TTBK2: variants seen among roughly 807,000 people sequenced by gnomAD.
TTBK2 encodes tau-tubulin kinase 2.
TTBK2 carries 28 observed loss-of-function variants against 110.8 expected under a neutral mutation model. That is an observed-to-expected ratio of 0.25 (90% CI 0.19 to 0.35). The LOEUF is 0.35. Among genes scored for constraint, TTBK2 ranks in the 10% least tolerant of loss-of-function variants. TTBK2 has a pLI of 1.00. For missense variants in TTBK2, 1,369 were observed against 1,500.3 expected, an observed-to-expected ratio of 0.91 and a Z score of 1.45; for synonymous variants, 532 against 527.3, an observed-to-expected ratio of 1.01 and a Z score of -0.12.
chr15:42,896,904 T>A (rs1304723148), intron 1 of TTBK2, among the ~76,000 whole-genome samples: 1 of 151,840 alleles, frequency 6.6e-6, no homozygotes. Context: ...TTTTGAGACA[T>A]TCTTGCTCTT....
At position 42,742,481 on chromosome 15, in the gene TTBK2, A is replaced by G. The variant is rs756364687; in HGVS notation, c.*3314T>C. On this transcript the variant is annotated 3_prime_UTR_variant, in exon 15 of 15. Transcript: ENST00000267890. ...AAATTAAACGCCTCTACGCTGTGCA[A>G]GAAATCACTATGTGTGATTTTACTA... is the stretch of plus-strand genomic sequence containing the variant. The G allele has an allele frequency of 2.0e-5, 3 of 152,230 alleles. No individual in the cohort carries two copies. Among genetic ancestry groups the G allele is most frequent in the African/African-American group, 4.8e-5 (2 of 41,450 alleles). 9.4% of individuals were successfully genotyped at this position (152,230 alleles called of 1,614,324 possible).
At chr15:42,751,697 T>C (rs1179831237) in intron 14 of TTBK2, among the ~76,000 whole-genome samples, 22 of 152,194 alleles carry the variant, frequency 1.4e-4, no homozygotes, top group Non-Finnish European at 2.9e-5. Flanking sequence ...TGAGCTGAGA[T>C]TGAGTCACTC....
chr15:42,916,777 A>G (rs1304384620), intron 1 of TTBK2, among the ~76,000 whole-genome samples: 1 of 152,240 alleles, frequency 6.6e-6, no homozygotes, highest in Admixed American at 6.5e-5. Flanking sequence ...ATAGTCTTTC[A>G]ATGATCATAT....
chr15:42,832,175 T>A (rs577855771), intron 4 of TTBK2, among the ~76,000 whole-genome samples: 1 of 152,316 alleles, frequency 6.6e-6, no homozygotes, highest in South Asian at 2.1e-4. Context: ...GTGAACTGTA[T>A]AACCACATGA....
At chr15:42,829,277 A>G (rs1043105269) in intron 5 of TTBK2, among the ~76,000 whole-genome samples, 4 of 152,246 alleles carry the variant, frequency 2.6e-5, no homozygotes, top group African/African-American at 7.2e-5. Context: ...TTTCTAAGAC[A>G]AACAGATTAG....
intron 9 of TTBK2, among the ~76,000 whole-genome samples, chr15:42,800,724 C>T (rs1891147777): frequency 6.8e-6 from 1 of 146,584 alleles, no homozygotes; most frequent in Non-Finnish European, 1.5e-5. Context: ...TGCATACAGT[C>T]TTTTTTTTTG....
chr15:42,874,613 G>A (rs920540559), intron 2 of TTBK2, among the ~76,000 whole-genome samples: 6 of 149,228 alleles, frequency 4.0e-5, no homozygotes, highest in Non-Finnish European at 7.4e-5. Flanking sequence ...CACCACACCC[G>A]GCCGATCCTG....
intron 1 of TTBK2, among the ~76,000 whole-genome samples, chr15:42,888,929 A>C (rs1232777797): frequency 2.0e-5 from 3 of 151,980 alleles, no homozygotes; most frequent in South Asian, 2.1e-4. Flanking sequence ...TTACTCTCCT[A>C]CTGAAGTTTC....
chr15:42,866,918 G>A (rs1213412921), intron 3 of TTBK2, among the ~76,000 whole-genome samples: 1 of 151,932 alleles, frequency 6.6e-6, no homozygotes, highest in African/African-American at 2.4e-5. Flanking sequence ...GTGCTTGAAG[G>A]GGAATTTATA....
chr15:42,765,275 T>C (rs566118850), intron 13 of TTBK2, among the ~76,000 whole-genome samples: 20 of 152,296 alleles, frequency 1.3e-4, no homozygotes, highest in African/African-American at 4.8e-4. Flanking sequence ...ATTTGATGAG[T>C]TGACAGAAGT....
chr15:42,763,152 A>C (rs1384511165), intron 13 of TTBK2, among the ~76,000 whole-genome samples: 10 of 59,816 alleles, frequency 1.7e-4, no homozygotes, highest in Non-Finnish European at 2.4e-4. Flanking sequence ...ACATATATAT[A>C]TATACATATA....
intron 8 of TTBK2, among the ~76,000 whole-genome samples, chr15:42,811,305 A>G (rs1159864621): frequency 6.6e-6 from 1 of 152,218 alleles, no homozygotes; most frequent in African/African-American, 2.4e-5. Flanking sequence ...AAAATAATTT[A>G]TCTTAAATCT....
rs528456484 is a variant in TTBK2, at chr15:42,865,327, G to T, written c.217+7284C>A. ...ACACAAAAATTAGATGGGCACAGTGGCACGCATCTGTAGTCTCAACTACTT... is the reference window on the plus strand; with the variant it reads ...ACACAAAAATTAGATGGGCACAGTGTCACGCATCTGTAGTCTCAACTACTT... On this transcript the variant is annotated intron_variant, in intron 3 of 14. Coordinates refer to ENST00000267890, the MANE Select transcript of TTBK2 (RefSeq NM_173500.4). Among the ~76,000 whole-genome samples the T allele has an allele frequency of 3.3e-5, 5 of 152,134 alleles. No individual in the cohort carries two copies. The South Asian group carries it at 1.0e-3, about 32-fold the overall frequency.
intron 3 of TTBK2, chr15:42,855,319 A>T (rs756059285): frequency 3.3e-5 from 5 of 152,214 alleles, no homozygotes; most frequent in Non-Finnish European, 7.3e-5. Flanking sequence ...CCCAATAGCA[A>T]TTAGTACCCT....
intron 1 of TTBK2, among the ~76,000 whole-genome samples, chr15:42,903,189 T>C (rs1442599195): frequency 1.3e-5 from 2 of 152,198 alleles, no homozygotes; most frequent in African/African-American, 2.4e-5. Context: ...GGATGAATAT[T>C]ATATGATTCC....
intron 5 of TTBK2, among the ~76,000 whole-genome samples, chr15:42,829,402 G>A (rs527479767): frequency 6.6e-6 from 1 of 152,272 alleles, no homozygotes; most frequent in South Asian, 2.1e-4. Context: ...AACACAGTAT[G>A]AACAACTAAA....
chr15:42,862,508 C>A (rs1894198012), intron 3 of TTBK2, among the ~76,000 whole-genome samples: 1 of 151,910 alleles, frequency 6.6e-6, no homozygotes, highest in African/African-American at 2.4e-5. Context: ...CAATTAGATG[C>A]AAAAAAAATT....
chr15:42,920,842 C>T (rs2031336248), upstream of TTBK2: 1 of 153,104 alleles, frequency 6.5e-6, no homozygotes, highest in Non-Finnish European at 1.5e-5. Context: ...CCTAGCCCAC[C>T]TGCCCTGCCA....
At chr15:42,789,817 C>T (rs1268634216) in intron 10 of TTBK2, among the ~76,000 whole-genome samples, 1 of 147,304 alleles carries the variant, frequency 6.8e-6, no homozygotes, top group African/African-American at 2.5e-5. Flanking sequence ...CATCTATATT[C>T]CATTGTGTGT....
Sources: allele counts gnomAD v4.1 joint callset (sites outside exome capture counted in the v4.1 genomes callset), GRCh38; gene constraint gnomAD v4.1.1; transcripts MANE v1.5; gene names NCBI Gene and HGNC (gene_info 2026-07-23, HGNC 2026-07-21).